The following NGLY1 variants were observed in gnomAD, a reference collection of about 807,000 sequenced individuals.
NGLY1 encodes peptide-N(4)-(N-acetyl-beta-glucosaminyl)asparagine amidase.
NGLY1 carries 68 observed loss-of-function variants against 84.6 expected under a neutral mutation model. The observed-to-expected ratio is 0.80, with a 90% CI of 0.66 to 0.98. NGLY1 has a LOEUF of 0.98. NGLY1 is among the 50% of genes least tolerant of loss of function. The probability of loss-of-function intolerance (pLI) is 0.00; values close to 1 mark genes in which losing one functional copy is unlikely to be tolerated. For synonymous variants in NGLY1, 280 were observed against 275.2 expected (o/e 1.02, Z -0.17); for missense variants, 779 against 770.2 (o/e 1.01, Z -0.14).
At chr3:25,743,220 G>C (rs1235434066) in intron 4 of NGLY1, among the ~76,000 whole-genome samples, 1 of 152,154 alleles carries the variant, frequency 6.6e-6, no homozygotes, top group Non-Finnish European at 1.5e-5. Context: ...AATGATTTTG[G>C]ATTTCTGCCT....
intron 4 of NGLY1, among the ~76,000 whole-genome samples, chr3:25,741,958 G>A (rs1053590238): frequency 5.3e-5 from 8 of 152,196 alleles, no homozygotes; most frequent in Non-Finnish European, 7.4e-5. Flanking sequence ...CCGAGATCGC[G>A]CCACTGCACT....
At chr3:25,735,806 A>C (rs1559535023) in intron 7 of NGLY1, 198 bp downstream of exon 7, 1 of 462,462 alleles carries the variant, frequency 2.2e-6, no homozygotes, top group Non-Finnish European at 3.7e-6. Context: ...CAACAGGTGA[A>C]ATGGTAAACT....
At chr3:25,780,157 A>T (rs907834218) in intron 1 of NGLY1, among the ~76,000 whole-genome samples, 6 of 152,188 alleles carry the variant, frequency 3.9e-5, no homozygotes, top group African/African-American at 1.4e-4. Flanking sequence ...TGAAATACAA[A>T]GAAAATTTTA....
intron 3 of NGLY1, among the ~76,000 whole-genome samples, chr3:25,762,185 C>G (rs1300006200): frequency 6.6e-6 from 1 of 151,822 alleles, no homozygotes; most frequent in Non-Finnish European, 1.5e-5. Flanking sequence ...TTCACTAGGA[C>G]TTATCTAGTT....
chr3:25,754,882 C>G lies in NGLY1; in HGVS notation c.493-3619G>C, dbSNP rs1706954637. The G allele has an allele frequency of 1.1e-5, 7 of 633,598 alleles. No homozygotes were observed. In the Admixed American group the frequency reaches 1.7e-4, roughly 15 times the overall value. 39.2% of individuals were successfully genotyped at this position (633,598 alleles called of 1,614,324 possible). A position where few individuals can be genotyped will look rare whatever the true frequency, so the allele number is the denominator to read the frequency against. On this transcript the variant is annotated intron_variant, in intron 3 of 11. Coordinates refer to ENST00000280700, the MANE Select transcript of NGLY1 (RefSeq NM_018297.4). ...ATGAAATGACCAACTAAGTTAAAGA[C>G]TACCAATAGGCTCTCTCTCCGGATA...
chr3:25,771,151 A>G (rs1365458818), intron 2 of NGLY1, among the ~76,000 whole-genome samples: 1 of 152,080 alleles, frequency 6.6e-6, no homozygotes, highest in Non-Finnish European at 1.5e-5. Context: ...TTCTGATGTT[A>G]TCTTCTAGAA....
chr3:25,742,230 T>A (rs1328250677), intron 4 of NGLY1, among the ~76,000 whole-genome samples: 1 of 152,172 alleles, frequency 6.6e-6, no homozygotes, highest in Non-Finnish European at 1.5e-5. Flanking sequence ...CCAAGAGAAA[T>A]ACTTGTGCAT....
chr3:25,749,659 C>T (rs1452712804), intron 4 of NGLY1: 4 of 1,494,224 alleles, frequency 2.7e-6, no homozygotes, highest in Non-Finnish European at 3.7e-6. Flanking sequence ...TGATGCCCAA[C>T]ATTAGTTATG....
intron 4 of NGLY1, among the ~76,000 whole-genome samples, chr3:25,741,063 G>A (rs1706111400): frequency 6.6e-6 from 1 of 151,218 alleles, no homozygotes; most frequent in Admixed American, 6.6e-5. Context: ...GGGATGCAGA[G>A]GTTGCAGTGA....
intron 5 of NGLY1, among the ~76,000 whole-genome samples, chr3:25,737,774 G>C (rs1705912558): frequency 6.6e-6 from 1 of 152,056 alleles, no homozygotes; most frequent in South Asian, 2.1e-4. Flanking sequence ...TCGATCTCCT[G>C]ACCTCGTGAT....
chr3:25,749,532 G>C (rs766195919), intron 4 of NGLY1: 52 of 1,583,748 alleles, frequency 3.3e-5, no homozygotes, highest in Non-Finnish European at 4.4e-5. Flanking sequence ...TCATCAAAAA[G>C]AGAACCAAGA....
At chr3:25,746,141 C>A (rs566921954) in intron 4 of NGLY1, among the ~76,000 whole-genome samples, 2 of 152,256 alleles carry the variant, frequency 1.3e-5, no homozygotes, top group East Asian at 1.9e-4. Context: ...TTTATATACA[C>A]CCTACCCTAC....
At chr3:25,723,248 GC>G (rs1705095114) in intron 10 of NGLY1, among the ~76,000 whole-genome samples, 1 of 152,120 alleles carries the variant, frequency 6.6e-6, no homozygotes, top group Admixed American at 6.6e-5. Context: ...ATTTATTAAA[GC>G]CTTAAAATTT....
exon 1 of NGLY1, chr3:25,789,961 G>C (rs1489434988): frequency 2.9e-5 from 42 of 1,459,426 alleles, no homozygotes; most frequent in Non-Finnish European, 3.6e-5. Flanking sequence ...GCCTCCCACG[G>C]TCTGACCTCA....
At chr3:25,786,045 T>C (rs1449312592), upstream of NGLY1, among the ~76,000 whole-genome samples, 1 of 152,250 alleles carries the variant, frequency 6.6e-6, no homozygotes. Context: ...ACTATACAAA[T>C]TCCTGAAAGA....
intron 3 of NGLY1, among the ~76,000 whole-genome samples, chr3:25,756,162 G>C (rs2125526963): frequency 6.6e-6 from 1 of 152,180 alleles, no homozygotes; most frequent in East Asian, 1.9e-4. Flanking sequence ...AATCCATTTT[G>C]AATGTTTTTG....
upstream of NGLY1, among the ~76,000 whole-genome samples, chr3:25,785,205 A>G (rs1242655250): frequency 6.6e-6 from 1 of 150,560 alleles, no homozygotes; most frequent in Non-Finnish European, 1.5e-5. Context: ...GACACACAGC[A>G]TTTTCTCTAC....
chr3:25,777,133 C>T (rs531582077), intron 2 of NGLY1, among the ~76,000 whole-genome samples: 42 of 152,340 alleles, frequency 2.8e-4, no homozygotes, highest in Non-Finnish European at 5.3e-4. Flanking sequence ...CGGCGGCTCA[C>T]GCCTGTAATC....
chr3:25,763,787 GC>G (rs767244506), intron 3 of NGLY1, among the ~76,000 whole-genome samples: 2 of 152,120 alleles, frequency 1.3e-5, no homozygotes, highest in African/African-American at 2.4e-5. Flanking sequence ...ACCTAAAGAA[GC>G]TTTTTTATTG....
Sources: gnomAD v4.1 joint callset for allele counts (sites outside exome capture counted in the v4.1 genomes callset) on GRCh38, gnomAD v4.1.1 for gene constraint, MANE v1.5 for transcripts, NCBI Gene and HGNC (gene_info 2026-07-23, HGNC 2026-07-21) for gene names.